IRX6: variants seen among roughly 807,000 people sequenced by gnomAD.
IRX6 encodes iroquois-class homeodomain protein IRX-6.
A neutral mutation model predicts 47.7 loss-of-function variants in IRX6; 46 were observed. The ratio of observed to expected loss-of-function variants is 0.96; its 90% confidence interval spans 0.76 to 1.23. The LOEUF (loss-of-function observed/expected upper bound fraction) is 1.23. Among genes scored for constraint, IRX6 ranks in the 50% most tolerant of loss-of-function variants. IRX6 has a pLI of 0.00. For synonymous variants in IRX6, 265 were observed against 246.2 expected, an observed-to-expected ratio of 1.08 and a Z score of -0.72; for missense variants, 722 against 588.0, an observed-to-expected ratio of 1.23 and a Z score of -2.36.
intron 3 of IRX6, 28 bp downstream of exon 3, chr16:55,327,433 G>A: frequency 6.3e-7 from 1 of 1,587,566 alleles, no homozygotes; most frequent in South Asian, 1.1e-5. Flanking sequence ...TTGGTGACTG[G>A]CACTGTGAGT....
chr16:55,327,115 C>G (rs1316637304), intron 2 of IRX6, among the ~76,000 whole-genome samples, 181 bp from the exon 3 acceptor site: 1 of 152,056 alleles, frequency 6.6e-6, no homozygotes, highest in Non-Finnish European at 1.5e-5. Flanking sequence ...TACTATTATC[C>G]CCATTTTACC....
At chr16:55,327,249 C>T (rs1429521190) in intron 2 of IRX6, 47 bp from the exon 3 acceptor site, 4 of 1,363,940 alleles carry the variant, frequency 2.9e-6, no homozygotes, top group African/African-American at 2.8e-5. Context: ...ACCCCATGTG[C>T]CCCCTCCCCA....
chr16:55,326,579 C>A lies in IRX6; in HGVS notation c.289C>A (p.Leu97Met), dbSNP rs1960531956. 3 of 1,556,340 alleles carry A rather than the reference C, an allele frequency of 1.9e-6. No individual in the cohort carries two copies. The highest frequency in any genetic ancestry group is 1.7e-6 in the Non-Finnish European group (2 of 1,148,332). The change falls in exon 2 of 6, where the codon CTG becomes ATG. Residue 97 changes from leucine (L) to methionine (M), a missense_variant. Transcript: ENST00000290552. ...YLPYSPEPPSLYGALNPQYEF... is the reference protein window; with the variant it reads ...YLPYSPEPPSMYGALNPQYEF... ...GCCCTATAGCCCAGAGCCCCCCTCA[C>A]TGTATGGGGCACTGGTGAGTACAGG...
At chr16:55,326,975 GTAA>G (rs1457792567) in intron 2 of IRX6, 14 of 113,646 alleles carry the variant, frequency 1.2e-4, no homozygotes, top group Non-Finnish European at 1.4e-4. Flanking sequence ...GTGGGGGGCA[GTAA>G]GGGGGGAAAG....
At position 55,325,044 on chromosome 16, in the gene IRX6, A is replaced by G; in HGVS notation, c.-48A>G. Reference sequence around the variant, plus strand: ...CTGGGGGCGCGGAACAGCTGGGCTGAGACGGGAACTCGACAGGGAAGAGAG... The same window carrying G: ...CTGGGGGCGCGGAACAGCTGGGCTGGGACGGGAACTCGACAGGGAAGAGAG... On this transcript the variant is annotated 5_prime_UTR_variant, in exon 1 of 6. Transcript: ENST00000290552. 6.2e-7 allele frequency: 1 copy of G among 1,602,610 alleles called. No homozygotes were observed. Among genetic ancestry groups the G allele is most frequent in the Non-Finnish European group, 8.5e-7 (1 of 1,169,768 alleles).
chr16:55,325,072 A>T lies in IRX6; in HGVS notation c.-20A>T, dbSNP rs1165520253. 6.2e-7 allele frequency: 1 copy of T among 1,613,854 alleles called. No individual in the cohort carries two copies. Among genetic ancestry groups the T allele is most frequent in the Admixed American group, 1.7e-5 (1 of 60,028 alleles). ...CGGGAACTCGACAGGGAAGAGAGAGACGGGCCAGGGACAGCCACCATGTCC... is the reference window on the plus strand; with the variant it reads ...CGGGAACTCGACAGGGAAGAGAGAGTCGGGCCAGGGACAGCCACCATGTCC... On this transcript the variant is annotated 5_prime_UTR_variant, in exon 1 of 6. Coordinates refer to ENST00000290552, the MANE Select transcript of IRX6 (RefSeq NM_024335.3).
chr16:55,328,703 T>A lies in IRX6; in HGVS notation c.725T>A (p.Val242Asp). ...ACTCGCTCTTGATTTCCTGCAGAAG[T>A]TACTGCTAGCCAGGAGGCCCGGGGG... ...LGCLTADTKE[V>D]TASQEARGLR... Residue 242 changes from valine to aspartate, a missense_variant, in exon 5 of 6, where the codon GTT becomes GAT. By Grantham distance (152) the Val-to-Asp change is radical. Coordinates refer to ENST00000290552, the MANE Select transcript of IRX6 (RefSeq NM_024335.3). 1 of 1,612,764 alleles carries A rather than the reference T, an allele frequency of 6.2e-7. No homozygotes were observed. Among genetic ancestry groups the A allele is most frequent in the South Asian group, 1.1e-5 (1 of 91,050 alleles).
At position 55,326,422 on chromosome 16, in the gene IRX6, GC is replaced by G; in HGVS notation, c.135del (p.Ala46LeufsTer56). 6.2e-7 allele frequency: 1 copy of G among 1,614,012 alleles called. No individual in the cohort carries two copies. The highest frequency in any genetic ancestry group is 8.5e-7 in the Non-Finnish European group (1 of 1,180,028). The stretch of plus-strand genomic sequence containing the variant: ...ATGTGGCATCAGGCTCCACCCCAGC[GC>G]CCGCTCTCTGCTGCGCACCCTACGA... ...SDVASGSTPA[P>X]ALCCAPYDSR... On this transcript the variant is annotated frameshift_variant, in exon 2 of 6. Coordinates refer to ENST00000290552, the MANE Select transcript of IRX6 (RefSeq NM_024335.3). LOFTEE classifies it high-confidence loss of function.
Position 55,328,878 on chromosome 16 carries a change from A to T in IRX6, c.900A>T (p.Arg300=). The stretch of plus-strand genomic sequence containing the variant: ...TGCCTGGGCCGTGCGCTGCAGCTCG[A>T]GAGGGCCGATTGGAGCGCAGGGAGT... The part of the protein sequence containing the change: ...QSLPGPCAAA[R]EGRLERRECG... Residue 300 remains arginine (R), a synonymous_variant, in exon 5 of 6, where the codon CGA becomes CGT. Transcript: ENST00000290552. 1 of 1,612,972 alleles carries T rather than the reference A, an allele frequency of 6.2e-7. No homozygotes were observed. Among genetic ancestry groups the T allele is most frequent in the Non-Finnish European group, 8.5e-7 (1 of 1,179,962 alleles).
In IRX6 at chr16:55,324,987, G is replaced by C. The variant is rs1480044029; in HGVS notation, c.-105G>C. 8.2e-7 allele frequency: 1 copy of C among 1,220,852 alleles called. No individual in the cohort carries two copies. Among genetic ancestry groups the C allele is most frequent in the African/African-American group, 1.5e-5 (1 of 67,226 alleles). The allele number at this position is 1,220,852 out of a possible 1,614,324, so 75.6% of individuals were successfully genotyped here. A position where few individuals can be genotyped will look rare whatever the true frequency, so the allele number is the denominator to read the frequency against. ...GCGAAGGAACCGGCGCTGGGCATCCGCAGCGGTGTAAGGAACTGAGACACC... is the reference window on the plus strand; with the variant it reads ...GCGAAGGAACCGGCGCTGGGCATCCCCAGCGGTGTAAGGAACTGAGACACC... On this transcript the variant is annotated 5_prime_UTR_variant, in exon 1 of 6. Transcript: ENST00000290552. This position sits in a 1 kb window ranked among gnomAD's most constrained non-coding sequence, Gnocchi z 4.4.
intron 2 of IRX6, chr16:55,326,957 GGC>G (rs1491540415): frequency 6.6e-6 from 1 of 152,602 alleles, no homozygotes; most frequent in Non-Finnish European, 1.2e-5. Context: ...TGGGGCAGGG[GGC>G]GGGGGGTGGG....
rs1202622982 is a variant in IRX6, at chr16:55,326,462, G to A, written c.172G>A (p.Gly58Ser). The A allele has an allele frequency of 7.4e-6, 12 of 1,613,708 alleles. No homozygotes were observed. Among genetic ancestry groups the A allele is most frequent in the Middle Eastern group, 1.7e-4 (1 of 6,058 alleles). Residue 58 changes from glycine (G) to serine (S), a missense_variant, in exon 2 of 6, where the codon GGC becomes AGC. Transcript: ENST00000290552. ...CGCACCCTACGATAGTCGACTGCTG[G>A]GCAGTGCGCGACCGGAGCTGGGCGC... ...CCAPYDSRLL[G>S]SARPELGAAL...
At chr16:55,327,053 A>C (rs576349580) in intron 2 of IRX6, 1 of 518,926 alleles carries the variant, frequency 1.9e-6, no homozygotes, top group Non-Finnish European at 3.4e-6. Flanking sequence ...ATTCTGCACC[A>C]GGGATTCTGC....
In IRX6 at chr16:55,326,490, C is replaced by T. The variant is rs1252576260; in HGVS notation, c.200C>T (p.Ala67Val). ...LGSARPELGA[A>V]LGIYGAPYAA... ...AGTGCGCGACCGGAGCTGGGCGCCGCCTTGGGCATCTATGGAGCACCCTAT... is the reference window on the plus strand; with the variant it reads ...AGTGCGCGACCGGAGCTGGGCGCCGTCTTGGGCATCTATGGAGCACCCTAT... Residue 67 changes from alanine to valine, a missense_variant, in exon 2 of 6, where the codon GCC becomes GTC. Physicochemically the swap from Ala to Val is moderately conservative, Grantham distance 64. Coordinates refer to ENST00000290552, the MANE Select transcript of IRX6 (RefSeq NM_024335.3). 5.0e-6 allele frequency: 8 copies of T among 1,612,674 alleles called. No homozygotes were observed. The highest frequency in any genetic ancestry group is 5.9e-6 in the Non-Finnish European group (7 of 1,179,722).
At chr16:55,329,344 A>G (rs765711457) in intron 5 of IRX6, 33 bp downstream of exon 5, 6 of 1,561,288 alleles carry the variant, frequency 3.8e-6, no homozygotes, top group African/African-American at 1.4e-5. Context: ...GGGAGTATCT[A>G]TGCAAAAGAC....
intron 1 of IRX6, 67 bp from the exon 2 acceptor site, chr16:55,326,269 G>C (rs1225293713): frequency 7.5e-7 from 1 of 1,339,632 alleles, no homozygotes; most frequent in Non-Finnish European, 1.0e-6. Context: ...GCTCCCTTCA[G>C]CGGGAGCGGG....
At chr16:55,326,719 A>C in intron 2 of IRX6, 126 bp downstream of exon 2, 1 of 952,542 alleles carries the variant, frequency 1.0e-6, no homozygotes, top group Non-Finnish European at 1.5e-6. Context: ...AGGAGGACAA[A>C]AAAATACAGT....
chr16:55,326,385 GCT>G lies in IRX6; in HGVS notation c.98_99del (p.Ser33CysfsTer21). 1 of 1,613,976 alleles carries G rather than the reference GCT, an allele frequency of 6.2e-7. No individual in the cohort carries two copies. The highest frequency in any genetic ancestry group is 1.1e-5 in the South Asian group (1 of 91,080). ...ACCACATGCTGCGAATCTACCCAAC[GCT>G]CTGTCTCAGATGTGGCATCAGGCTC... On this transcript the variant is annotated frameshift_variant, in exon 2 of 6. Coordinates refer to ENST00000290552, the MANE Select transcript of IRX6 (RefSeq NM_024335.3). LOFTEE classifies it high-confidence loss of function.
chr16:55,330,664 G>T lies in IRX6; in HGVS notation c.*359G>T. 2.6e-6 allele frequency: 1 copy of T among 377,692 alleles called. No homozygotes were observed. The highest frequency in any genetic ancestry group is 4.9e-6 in the Non-Finnish European group (1 of 203,950). 23.4% of individuals were successfully genotyped at this position (377,692 alleles called of 1,614,324 possible). ...CACCTCCACCAACCCCACTCACTTT[G>T]TAACTTCATCACTGACCCGGCCAAT... is the stretch of plus-strand genomic sequence containing the variant. On this transcript the variant is annotated 3_prime_UTR_variant, in exon 6 of 6. Coordinates refer to ENST00000290552, the MANE Select transcript of IRX6 (RefSeq NM_024335.3).
Sources: gnomAD v4.1 joint callset for allele counts (sites outside exome capture counted in the v4.1 genomes callset) on GRCh38, gnomAD v4.1.1 for gene constraint, Gnocchi (gnomAD v3.1) non-coding constraint, MANE v1.5 for transcripts, NCBI Gene and HGNC (gene_info 2026-07-23, HGNC 2026-07-21) for gene names.